Variants in L3MBTL4 observed in about 807,000 individuals in gnomAD.
The protein encoded by L3MBTL4 is L3MBTL histone methyl-lysine binding protein 4, also known as lethal(3)malignant brain tumor-like protein 4.
Under a neutral mutation model 84.5 loss-of-function variants are expected in L3MBTL4, and 70 were observed. The ratio of observed to expected loss-of-function variants is 0.83; its 90% CI spans 0.68 to 1.01. L3MBTL4 has a LOEUF of 1.01. Among genes scored for constraint, L3MBTL4 ranks in the 50% least tolerant of loss-of-function variants. The probability of loss-of-function intolerance (pLI) is 0.00; values close to 1 mark genes in which losing one functional copy is unlikely to be tolerated. For synonymous variants in L3MBTL4, 274 were observed against 259.8 expected (o/e 1.05, Z -0.52); for missense variants, 715 against 754.8 (o/e 0.95, Z 0.62).
At chr18:6,054,928 C>A (rs2056967114) in intron 16 of L3MBTL4, among the ~76,000 whole-genome samples, 1 of 152,200 alleles carries the variant, frequency 6.6e-6, no homozygotes, top group South Asian at 2.1e-4. Flanking sequence ...CCCTCTGCTT[C>A]ACTTACAGGT....
chr18:5,956,926 T>C (rs2144586179), intron 18 of L3MBTL4, among the ~76,000 whole-genome samples: 1 of 151,632 alleles, frequency 6.6e-6, no homozygotes, highest in Admixed American at 6.6e-5. Context: ...TTTTTATAGA[T>C]CAGTAAACAA....
intron 1 of L3MBTL4, among the ~76,000 whole-genome samples, chr18:6,384,185 A>T (rs532847918): frequency 1.2e-4 from 18 of 152,306 alleles, no homozygotes; most frequent in African/African-American, 4.3e-4. Context: ...TGCTTACCTG[A>T]GTAGGCAGAG....
chr18:6,217,802 T>C (rs1434162545), intron 10 of L3MBTL4, among the ~76,000 whole-genome samples: 1 of 152,236 alleles, frequency 6.6e-6, no homozygotes, highest in Non-Finnish European at 1.5e-5. Flanking sequence ...TTGTCTCAAA[T>C]TATTTTTACT....
intron 4 of L3MBTL4, among the ~76,000 whole-genome samples, chr18:6,264,292 C>G (rs1568404439): frequency 1.3e-5 from 2 of 152,202 alleles, no homozygotes; most frequent in Admixed American, 6.5e-5. Flanking sequence ...GCCTAGTGAA[C>G]TCTCAAGTTA....
chr18:6,089,097 A>C (rs1448418060), intron 15 of L3MBTL4, among the ~76,000 whole-genome samples: 1 of 152,152 alleles, frequency 6.6e-6, no homozygotes, highest in Non-Finnish European at 1.5e-5. Flanking sequence ...ATTAAAGAAC[A>C]CTTAGGCAGG....
intron 16 of L3MBTL4, among the ~76,000 whole-genome samples, chr18:6,063,569 G>T (rs765324498): frequency 4.0e-5 from 6 of 151,444 alleles, no homozygotes; most frequent in Non-Finnish European, 7.4e-5. Flanking sequence ...TCTTGCAGGA[G>T]TAAGGTGGTA....
At chr18:6,383,291 G>A (rs1325886331) in intron 1 of L3MBTL4, among the ~76,000 whole-genome samples, 3 of 151,952 alleles carry the variant, frequency 2.0e-5, no homozygotes, top group Non-Finnish European at 4.4e-5. Context: ...TGGCTCCCTG[G>A]CTTCACTCCC....
intron 14 of L3MBTL4, among the ~76,000 whole-genome samples, chr18:6,133,251 C>A (rs9956013): frequency 0.052 from 7,915 of 151,980 alleles, 697 homozygotes; most frequent in African/African-American, 0.18. Context: ...GGCTGCTGAG[C>A]ATGTGAAATA....
At chr18:6,398,314 G>C (rs935432949) in intron 1 of L3MBTL4, among the ~76,000 whole-genome samples, 3 of 152,170 alleles carry the variant, frequency 2.0e-5, no homozygotes, top group Non-Finnish European at 4.4e-5. Context: ...AGGGAGAAGT[G>C]GCTCTGTAAT....
chr18:6,155,899 T>G (rs553802706), intron 13 of L3MBTL4, among the ~76,000 whole-genome samples: 1 of 152,188 alleles, frequency 6.6e-6, no homozygotes. Flanking sequence ...GACTCTGTGT[T>G]CATTCCTAGG....
chr18:6,074,922 A>T (rs2146032399), intron 16 of L3MBTL4, among the ~76,000 whole-genome samples: 1 of 152,288 alleles, frequency 6.6e-6, no homozygotes, highest in South Asian at 2.1e-4. Flanking sequence ...TCTCTATACA[A>T]GCAGAAAAAG....
chr18:6,011,088 C>T (rs976808456), intron 16 of L3MBTL4, among the ~76,000 whole-genome samples: 2 of 152,318 alleles, frequency 1.3e-5, no homozygotes, highest in South Asian at 4.1e-4. Flanking sequence ...ATTATGCAGA[C>T]TCTGTTGTTG....
At chr18:6,330,479 T>C (rs2051973178) in intron 1 of L3MBTL4, among the ~76,000 whole-genome samples, 1 of 152,244 alleles carries the variant, frequency 6.6e-6, no homozygotes, top group Non-Finnish European at 1.5e-5. Flanking sequence ...CAAGTCTTCT[T>C]AGGATATGTC....
At chr18:5,982,341 T>C (rs568434411) in intron 16 of L3MBTL4, among the ~76,000 whole-genome samples, 23 of 152,334 alleles carry the variant, frequency 1.5e-4, no homozygotes, top group Non-Finnish European at 2.9e-4. Context: ...TCTGGCTTTC[T>C]TTACAGTGCA....
rs549062064 is a variant in L3MBTL4, at chr18:6,093,125, C to T, written c.1373+230G>A. ...TTCTACTGCTTACATACAATATGTA[C>T]ATTTAGAAAAAGGTAAATTCAAATA... On this transcript the variant is annotated intron_variant, in intron 15 of 18. Transcript: ENST00000317931. Among the ~76,000 whole-genome samples, 15 of 152,194 alleles carry T rather than the reference C, an allele frequency of 9.9e-5. No individual in the cohort carries two copies. The South Asian group carries it at 3.1e-3, about 32-fold the overall frequency.
chr18:6,119,270 T>A (rs2059454683), intron 14 of L3MBTL4, among the ~76,000 whole-genome samples: 1 of 151,972 alleles, frequency 6.6e-6, no homozygotes, highest in African/African-American at 2.4e-5. Context: ...GAACAAAAAT[T>A]AGGAGCTGTT....
At chr18:6,130,679 TA>T (rs2144519436) in intron 14 of L3MBTL4, among the ~76,000 whole-genome samples, 1 of 152,356 alleles carries the variant, frequency 6.6e-6, no homozygotes, top group South Asian at 2.1e-4. Flanking sequence ...GTCTGTGTTC[TA>T]CTCATTTGGA....
At chr18:6,320,414 A>C (rs1444746077) in intron 1 of L3MBTL4, among the ~76,000 whole-genome samples, 1 of 152,132 alleles carries the variant, frequency 6.6e-6, no homozygotes, top group African/African-American at 2.4e-5. Flanking sequence ...TTGATAAATT[A>C]ATTCGGTAAA....
At chr18:6,214,911 C>T (rs1049237469) in intron 11 of L3MBTL4, among the ~76,000 whole-genome samples, 5 of 152,144 alleles carry the variant, frequency 3.3e-5, no homozygotes, top group African/African-American at 1.2e-4. Context: ...CTTGCTGAAC[C>T]TTTGCTCTTT....
Sources: gnomAD v4.1 joint callset for allele counts (sites outside exome capture counted in the v4.1 genomes callset) on GRCh38, gnomAD v4.1.1 for gene constraint, MANE v1.5 for transcripts, NCBI Gene and HGNC (gene_info 2026-07-23, HGNC 2026-07-21) for gene names.